The following ABI3BP variants were observed in gnomAD, a reference collection of about 807,000 sequenced individuals.
ABI3BP encodes target of Nesh-SH3.
Under a neutral mutation model 268.6 loss-of-function variants are expected in ABI3BP, and 216 were observed. That is an observed-to-expected ratio of 0.80 (90% CI 0.72 to 0.90). The LOEUF is 0.90. ABI3BP is among the 40% of genes least tolerant of loss of function. ABI3BP has a pLI of 0.00. For synonymous variants in ABI3BP, 730 were observed against 730.0 expected (o/e 1.00, Z 0.00); for missense variants, 2,090 against 2,182.4 (o/e 0.96, Z 0.84).
At chr3:100,783,174 G>A (rs1425704270) in intron 57 of ABI3BP, among the ~76,000 whole-genome samples, 1 of 152,160 alleles carries the variant, frequency 6.6e-6, no homozygotes, top group Non-Finnish European at 1.5e-5. Context: ...ATGGATGATT[G>A]GTTTCTGCAC....
intron 63 of ABI3BP, among the ~76,000 whole-genome samples, chr3:100,763,653 C>T (rs1196420078): frequency 1.3e-5 from 2 of 151,886 alleles, no homozygotes; most frequent in Non-Finnish European, 2.9e-5. Flanking sequence ...GAAGCAATTT[C>T]TAGAAACAGC....
intron 6 of ABI3BP, among the ~76,000 whole-genome samples, chr3:100,883,372 T>C (rs2040372606): frequency 6.6e-6 from 1 of 152,084 alleles, no homozygotes. Context: ...CTATAACAAA[T>C]GTGAGAAAAA....
chr3:100,751,779 A>G (rs1329238858), intron 66 of ABI3BP, 105 bp from the exon 67 acceptor site: 7 of 1,192,240 alleles, frequency 5.9e-6, no homozygotes, highest in African/African-American at 3.1e-5. Context: ...CTCATTCTCT[A>G]TTACCCTAGT....
At chr3:100,773,838 CAA>C (rs1319140132) in intron 61 of ABI3BP, among the ~76,000 whole-genome samples, 2 of 152,072 alleles carry the variant, frequency 1.3e-5, no homozygotes, top group East Asian at 3.9e-4. Flanking sequence ...AGCCTGACAA[CAA>C]AAAGAGTTCA....
chr3:100,820,141 T>A (rs2098176751), intron 40 of ABI3BP, 79 bp downstream of exon 40: 3 of 1,240,238 alleles, frequency 2.4e-6, no homozygotes, highest in Middle Eastern at 1.9e-4. Flanking sequence ...ACACAGGCCA[T>A]CACTCCCATC....
intron 1 of ABI3BP, among the ~76,000 whole-genome samples, chr3:100,960,252 G>A (rs916128311): frequency 6.6e-6 from 1 of 152,100 alleles, no homozygotes; most frequent in Non-Finnish European, 1.5e-5. Flanking sequence ...TTTAAAGTAG[G>A]GCATTCAAGA....
At chr3:100,894,938 CAAAAAAAAAAAAAAA>C (rs58342344) in intron 4 of ABI3BP, among the ~76,000 whole-genome samples, 16 of 37,724 alleles carry the variant, frequency 4.2e-4, no homozygotes, top group East Asian at 3.1e-3. Flanking sequence ...GATTCCGCTT[CAAAAAAAAAAAAAAA>C]AAAAAAAAAA....
intron 2 of ABI3BP, among the ~76,000 whole-genome samples, chr3:100,905,278 G>T (rs1455150590): frequency 6.6e-6 from 1 of 152,056 alleles, no homozygotes; most frequent in African/African-American, 2.4e-5. Flanking sequence ...GGGGTATGGG[G>T]GAAGGATAGC....
At chr3:100,846,518 GA>G in intron 19 of ABI3BP, 72 bp from the exon 20 acceptor site, 1 of 1,065,090 alleles carries the variant, frequency 9.4e-7, no homozygotes. Flanking sequence ...AACACAGAAG[GA>G]AAACCTAGAA....
intron 32 of ABI3BP, 85 bp from the exon 33 acceptor site, chr3:100,829,749 T>A: frequency 9.4e-7 from 1 of 1,058,304 alleles, no homozygotes; most frequent in Non-Finnish European, 1.4e-6. Context: ...ATTTCTTGAC[T>A]TCCAAGAAAT....
At chr3:100,912,113 T>C in intron 2 of ABI3BP, 3 of 575,170 alleles carry the variant, frequency 5.2e-6, no homozygotes, top group Non-Finnish European at 6.3e-6. Context: ...TCCCAGACAG[T>C]GCTGGGGTTG....
At chr3:100,918,196 A>G (rs1238891069) in intron 2 of ABI3BP, among the ~76,000 whole-genome samples, 1 of 152,078 alleles carries the variant, frequency 6.6e-6, no homozygotes, top group Non-Finnish European at 1.5e-5. Context: ...ATTTTAAAAG[A>G]GAAAAATCTA....
intron 1 of ABI3BP, among the ~76,000 whole-genome samples, chr3:100,974,359 C>T (rs557065140): frequency 3.2e-4 from 49 of 152,288 alleles, no homozygotes; most frequent in Middle Eastern, 3.4e-3. Flanking sequence ...AACAACCCTA[C>T]TGTTGAATTG....
chr3:100,836,267 A>C (rs1224771318), intron 27 of ABI3BP, among the ~76,000 whole-genome samples: 1 of 152,198 alleles, frequency 6.6e-6, no homozygotes, highest in African/African-American at 2.4e-5. Flanking sequence ...CTTTTTGTCT[A>C]GATATAAAGG....
intron 4 of ABI3BP, among the ~76,000 whole-genome samples, chr3:100,897,234 C>T (rs925363301): frequency 1.1e-4 from 16 of 152,016 alleles, no homozygotes; most frequent in Non-Finnish European, 1.9e-4. Flanking sequence ...TCAGAGCTCT[C>T]CTACATTGCT....
intron 1 of ABI3BP, among the ~76,000 whole-genome samples, chr3:100,944,478 A>G (rs1419155800): frequency 6.6e-6 from 1 of 152,162 alleles, no homozygotes; most frequent in African/African-American, 2.4e-5. Context: ...AACATCCTGC[A>G]TGTACAAGAT....
chr3:100,894,669 G>T (rs960238455), intron 4 of ABI3BP, among the ~76,000 whole-genome samples: 1 of 152,048 alleles, frequency 6.6e-6, no homozygotes, highest in African/African-American at 2.4e-5. Flanking sequence ...GCCGGGCGCG[G>T]TGGCTCACGC....
chr3:100,838,086 G>T, intron 26 of ABI3BP, 124 bp downstream of exon 26: 1 of 1,113,982 alleles, frequency 9.0e-7, no homozygotes, highest in Non-Finnish European at 1.3e-6. Context: ...ACTTGGAGAA[G>T]ATAATGAACA....
At position 100,885,608 on chromosome 3, in the gene ABI3BP, A is replaced by G. The variant is rs1561268253; in HGVS notation, c.644-20T>C. 3.4e-6 allele frequency: 5 copies of G among 1,481,688 alleles called. No individual in the cohort carries two copies. Among genetic ancestry groups the G allele is most frequent in the Non-Finnish European group, 4.6e-6 (5 of 1,086,234 alleles). 91.8% of individuals were successfully genotyped at this position (1,481,688 alleles called of 1,614,324 possible). A position where few individuals can be genotyped will look rare whatever the true frequency, so the allele number is the denominator to read the frequency against. ...TTTTACCTGATGAAACAAGGGAAAA[A>G]TAACATTATTTTTATTCTCCTTGCT... On this transcript the variant is annotated intron_variant, in intron 5 of 67. Transcript: ENST00000471714.
Sources: gnomAD v4.1 joint callset for allele counts (sites outside exome capture counted in the v4.1 genomes callset) on GRCh38, gnomAD v4.1.1 for gene constraint, MANE v1.5 for transcripts, NCBI Gene and HGNC (gene_info 2026-07-23, HGNC 2026-07-21) for gene names.